Variants in WWTR1 observed in about 807,000 individuals in gnomAD.
The protein encoded by WWTR1 is WW domain containing transcription regulator 1.
WWTR1 carries 13 observed loss-of-function variants against 40.1 expected under a neutral mutation model. That is an observed-to-expected ratio of 0.32 (90% CI 0.21 to 0.52). WWTR1 has a LOEUF of 0.52. Ranked by LOEUF, WWTR1 falls within the 20% of genes least tolerant of loss-of-function variation. WWTR1 has a pLI of 0.97. For synonymous variants in WWTR1, 230 were observed against 210.1 expected (o/e 1.09, Z -0.82); for missense variants, 436 against 523.1 (o/e 0.83, Z 1.63).
chr3:149,658,250 G>C (rs560750288), upstream of WWTR1: 1 of 152,512 alleles, frequency 6.6e-6, no homozygotes, highest in South Asian at 2.1e-4. Context: ...CACTCCTCCC[G>C]GCCGCGCGGA....
chr3:149,724,683 C>T (rs1173130601), intron 3 of WWTR1: 10 of 152,178 alleles, frequency 6.6e-5, no homozygotes, highest in Non-Finnish European at 1.5e-4. Flanking sequence ...GGTAGATTCT[C>T]CCATTTCCTA....
intron 2 of WWTR1, among the ~76,000 whole-genome samples, chr3:149,578,869 G>A (rs540628850): frequency 6.6e-6 from 1 of 152,184 alleles, no homozygotes; most frequent in East Asian, 1.9e-4. Flanking sequence ...GGCAACAAGA[G>A]TGAAACTCCA....
At chr3:149,722,359 G>GCC (rs999029392) in intron 4 of WWTR1, among the ~76,000 whole-genome samples, 9 of 148,964 alleles carry the variant, frequency 6.0e-5, no homozygotes, top group African/African-American at 2.0e-4. Context: ...GACATTTATT[G>GCC]TTTTTTTAAT....
intron 2 of WWTR1, among the ~76,000 whole-genome samples, chr3:149,633,494 A>G (rs898326234): frequency 5.9e-5 from 9 of 152,210 alleles, no homozygotes; most frequent in African/African-American, 2.2e-4. Flanking sequence ...AACCAAGTAA[A>G]AAGTCCAATA....
intron 2 of WWTR1, among the ~76,000 whole-genome samples, chr3:149,583,071 T>G (rs1280485993): frequency 6.6e-6 from 1 of 152,222 alleles, no homozygotes; most frequent in Non-Finnish European, 1.5e-5. Flanking sequence ...GTTCAAGCGA[T>G]TCTCCTGCCT....
chr3:149,636,778 GC>G (rs1169105056), intron 2 of WWTR1, among the ~76,000 whole-genome samples: 1 of 151,922 alleles, frequency 6.6e-6, no homozygotes, highest in Non-Finnish European at 1.5e-5. Flanking sequence ...TGCATGCCAT[GC>G]TTTGGGCCAG....
At chr3:149,530,938 CTTTTT>C (rs753375505) in intron 4 of WWTR1, among the ~76,000 whole-genome samples, 1 of 143,162 alleles carries the variant, frequency 7.0e-6, no homozygotes. Context: ...GGAATGATTG[CTTTTT>C]TTTTTTTTTG....
chr3:149,576,839 T>G (rs1037250864), intron 2 of WWTR1, among the ~76,000 whole-genome samples: 2 of 151,976 alleles, frequency 1.3e-5, no homozygotes, highest in African/African-American at 4.8e-5. Flanking sequence ...AAAACAAAAA[T>G]ACTAATGAAG....
At position 149,618,104 on chromosome 3, in the gene WWTR1, TC is replaced by T. The variant is rs1740079797; in HGVS notation, c.431+38771del. On this transcript the variant is annotated intron_variant, in intron 2 of 6. Coordinates refer to ENST00000360632, the MANE Select transcript of WWTR1 (RefSeq NM_015472.6). The stretch of plus-strand genomic sequence containing the variant: ...AAGGGTTACTTTTTAAAGGCTACTG[TC>T]AATTTCTTAGGGATGGACTGAAACA... Among the ~76,000 whole-genome samples the T allele has an allele frequency of 2.6e-5, 4 of 152,326 alleles. No homozygotes were observed. The South Asian group carries it at 8.3e-4, about 32-fold the overall frequency.
intron 2 of WWTR1, among the ~76,000 whole-genome samples, chr3:149,628,930 T>C (rs992920212): frequency 6.6e-5 from 10 of 151,654 alleles, no homozygotes; most frequent in African/African-American, 2.2e-4. Context: ...CATACCACCC[T>C]GCCTGGCTTT....
At chr3:149,664,884 C>A (rs1300422027) in intron 2 of WWTR1, among the ~76,000 whole-genome samples, 1 of 151,744 alleles carries the variant, frequency 6.6e-6, no homozygotes, top group African/African-American at 2.4e-5. Context: ...CCACCGCGCC[C>A]GGCCAGAAGG....
chr3:149,557,243 G>T (rs962732800), intron 3 of WWTR1, among the ~76,000 whole-genome samples: 3 of 151,498 alleles, frequency 2.0e-5, no homozygotes, highest in African/African-American at 7.3e-5. Context: ...GCTAATTTTT[G>T]TATTTTTTAA....
At chr3:149,595,889 C>T (rs931574119) in intron 2 of WWTR1, among the ~76,000 whole-genome samples, 1 of 151,958 alleles carries the variant, frequency 6.6e-6, no homozygotes, top group African/African-American at 2.4e-5. Context: ...AAAATTACCC[C>T]AGGCATGGTG....
At chr3:149,579,566 C>T (rs1485219439) in intron 2 of WWTR1, among the ~76,000 whole-genome samples, 1 of 151,976 alleles carries the variant, frequency 6.6e-6, no homozygotes, top group African/African-American at 2.4e-5. Context: ...AATCTTAGCA[C>T]TCTGGGAGGC....
At chr3:149,683,527 C>T (rs1360146938) in intron 1 of WWTR1, among the ~76,000 whole-genome samples, 1 of 152,036 alleles carries the variant, frequency 6.6e-6, no homozygotes, top group African/African-American at 2.4e-5. Flanking sequence ...AACCCCGTCT[C>T]TACTAAAAAT....
At chr3:149,693,685 A>G (rs1714892744) in intron 1 of WWTR1, among the ~76,000 whole-genome samples, 1 of 152,186 alleles carries the variant, frequency 6.6e-6, no homozygotes, top group African/African-American at 2.4e-5. Flanking sequence ...CCAGAAATCA[A>G]TCTATACATC....
intron 2 of WWTR1, among the ~76,000 whole-genome samples, chr3:149,587,069 A>C (rs1428070791): frequency 3.3e-5 from 5 of 152,218 alleles, no homozygotes; most frequent in Admixed American, 3.3e-4. Context: ...CAAATGGATC[A>C]AATCCAAGGA....
At chr3:149,666,154 T>C (rs1292175817) in intron 2 of WWTR1, among the ~76,000 whole-genome samples, 1 of 152,228 alleles carries the variant, frequency 6.6e-6, no homozygotes, top group Non-Finnish European at 1.5e-5. Flanking sequence ...GCCACTGCTC[T>C]TCCTTGTCTT....
At chr3:149,599,858 G>T (rs907393687) in intron 2 of WWTR1, among the ~76,000 whole-genome samples, 1 of 152,098 alleles carries the variant, frequency 6.6e-6, no homozygotes, top group Admixed American at 6.6e-5. Context: ...TTTAAATAGC[G>T]ACAAGGTATA....
Sources: allele counts gnomAD v4.1 joint callset (sites outside exome capture counted in the v4.1 genomes callset), GRCh38; gene constraint gnomAD v4.1.1; transcripts MANE v1.5; gene names NCBI Gene and HGNC (gene_info 2026-07-23, HGNC 2026-07-21).